Variants in PCDH15 observed in about 807,000 individuals in gnomAD.
PCDH15 encodes protocadherin-15.
A neutral mutation model predicts 178.5 loss-of-function variants in PCDH15; 129 were observed. That is an observed-to-expected ratio of 0.72 (90% CI 0.63 to 0.84). The LOEUF is 0.84. Ranked by LOEUF, PCDH15 falls within the 40% of genes least tolerant of loss-of-function variation. The pLI is 0.00. For synonymous variants in PCDH15, 800 were observed against 732.0 expected (o/e 1.09, Z -1.50); for missense variants, 2,230 against 2,099.9 (o/e 1.06, Z -1.21).
At chr10:54,012,900 G>A (rs1340734373) in intron 20 of PCDH15, among the ~76,000 whole-genome samples, 1 of 152,014 alleles carries the variant, frequency 6.6e-6, no homozygotes, top group Non-Finnish European at 1.5e-5. Flanking sequence ...ACAATATGAT[G>A]ACAGGCTCAA....
Position 54,896,514 on chromosome 10 carries a change from A to G in PCDH15, c.-29+936T>C, listed in dbSNP as rs201498139. Among the ~76,000 whole-genome samples the G allele has an allele frequency of 1.0e-3, 11 of 10,934 alleles. No homozygotes were observed. In the East Asian group the frequency reaches 0.039, roughly 39 times the overall value. The allele number at this position is 10,934 out of a possible 152,430, so 7.2% of individuals were successfully genotyped here. ...AAGGTGCAACTGAATTTCCCAGCGG[A>G]AAAAAAAAAAATAGCTTAGCTCCAT... On this transcript the variant is annotated intron_variant, in intron 3 of 5. Coordinates refer to the PCDH15 transcript ENST00000458638.
At chr10:54,346,239 T>C (rs1943255295) in intron 6 of PCDH15, 126 bp downstream of exon 6, 10 of 902,030 alleles carry the variant, frequency 1.1e-5, no homozygotes, top group South Asian at 4.9e-5. Flanking sequence ...TGAGACATTT[T>C]TAAATAATAG....
intron 1 of PCDH15, among the ~76,000 whole-genome samples, chr10:54,767,339 A>G (rs1226969254): frequency 6.6e-6 from 1 of 152,196 alleles, no homozygotes; most frequent in East Asian, 1.9e-4. Context: ...TGATTAAATG[A>G]AAGTATCAAA....
chr10:54,317,096 CTT>C (rs1410934138), intron 8 of PCDH15, among the ~76,000 whole-genome samples, 173 bp downstream of exon 8: 1 of 152,150 alleles, frequency 6.6e-6, no homozygotes, highest in African/African-American at 2.4e-5. Flanking sequence ...TATAATTACT[CTT>C]TGTGTTAAAA....
intron 9 of PCDH15, among the ~76,000 whole-genome samples, chr10:54,220,690 T>A (rs2052681481): frequency 1.3e-5 from 2 of 152,016 alleles, no homozygotes. Context: ...CCGGGCGTGG[T>A]GGCGGGCGCC....
intron 15 of PCDH15, 23 bp downstream of exon 15, chr10:54,132,852 C>A: frequency 1.3e-6 from 2 of 1,599,236 alleles, no homozygotes; most frequent in Non-Finnish European, 1.7e-6. Context: ...CACACACACA[C>A]ACACACACAC....
intron 13 of PCDH15, among the ~76,000 whole-genome samples, chr10:54,159,630 C>T (rs2045510226): frequency 6.6e-6 from 1 of 151,916 alleles, no homozygotes. Flanking sequence ...GATTATTTTT[C>T]TAGGATTATT....
Position 55,205,555 on chromosome 10 carries a change from A to G in PCDH15, c.-155-38904T>C, listed in dbSNP as rs148898877. 4.6e-5 allele frequency among the ~76,000 whole-genome samples: 7 copies of G among 152,172 alleles called. No homozygotes were observed. The East Asian group carries it at 1.2e-3, about 25-fold the overall frequency. ...TACACTACAATTTTTATATAATCCA[A>G]TAATGAATGCAAGAAACAAGCAAAA... On this transcript the variant is annotated intron_variant, in intron 1 of 5. Transcript: ENST00000458638.
intron 2 of PCDH15, among the ~76,000 whole-genome samples, chr10:55,341,646 T>A (rs2131954358): frequency 6.7e-6 from 1 of 148,318 alleles, no homozygotes; most frequent in East Asian, 2.0e-4. Flanking sequence ...CTTGGCTTAC[T>A]CCAACCACCC....
intron 2 of PCDH15, among the ~76,000 whole-genome samples, chr10:54,614,008 C>T (rs1158441957): frequency 6.6e-6 from 1 of 151,808 alleles, no homozygotes; most frequent in Non-Finnish European, 1.5e-5. Context: ...ATAACTGTTT[C>T]TTAATAAAAC....
At chr10:54,394,485 A>C (rs1950952480) in intron 3 of PCDH15, among the ~76,000 whole-genome samples, 4 of 152,154 alleles carry the variant, frequency 2.6e-5, no homozygotes, top group Admixed American at 2.6e-4. Context: ...GAGTTTCAAA[A>C]GGGGAGGGAG....
chr10:54,254,913 A>AT (rs1425929389), intron 8 of PCDH15, among the ~76,000 whole-genome samples: 4 of 77,652 alleles, frequency 5.2e-5, no homozygotes, highest in Non-Finnish European at 1.3e-4. Flanking sequence ...ATTTCAACGT[A>AT]ATTTTTTTTC....
chr10:55,276,133 CTA>C (rs1842590150), intron 1 of PCDH15, among the ~76,000 whole-genome samples: 1 of 150,422 alleles, frequency 6.6e-6, no homozygotes, highest in African/African-American at 2.4e-5. Context: ...ATAAATTTGT[CTA>C]TGTGTTTTTT....
At chr10:54,672,548 A>G (rs905118401) in intron 1 of PCDH15, among the ~76,000 whole-genome samples, 3 of 152,202 alleles carry the variant, frequency 2.0e-5, no homozygotes, top group Admixed American at 6.5e-5. Flanking sequence ...GGAGAAGGAC[A>G]TATGCCAGGG....
chr10:55,579,935 C>A (rs1842574732), intron 2 of PCDH15, among the ~76,000 whole-genome samples: 1 of 152,170 alleles, frequency 6.6e-6, no homozygotes, highest in African/African-American at 2.4e-5. Context: ...CAGCTCACTG[C>A]AACCTCTGCC....
intron 3 of PCDH15, among the ~76,000 whole-genome samples, chr10:54,428,621 C>T (rs9415323): frequency 0.2 from 30,663 of 151,900 alleles, 3,803 homozygotes; most frequent in African/African-American, 0.35. Flanking sequence ...TCAGAGCCAA[C>T]GGGCATTGAG....
intron 2 of PCDH15, among the ~76,000 whole-genome samples, chr10:54,598,667 A>G (rs1311292177): frequency 6.6e-6 from 1 of 152,150 alleles, no homozygotes; most frequent in Admixed American, 6.6e-5. Flanking sequence ...TCCAAATAGG[A>G]GGAGAGGAAG....
chr10:54,913,110 A>T (rs1954846018), intron 2 of PCDH15, among the ~76,000 whole-genome samples: 2 of 152,234 alleles, frequency 1.3e-5, no homozygotes, highest in East Asian at 3.9e-4. Flanking sequence ...TTTTCTGGGG[A>T]TGAACCCTTT....
chr10:55,368,181 T>A (rs879497482), intron 2 of PCDH15, among the ~76,000 whole-genome samples: 3 of 152,104 alleles, frequency 2.0e-5, no homozygotes, highest in Non-Finnish European at 4.4e-5. Context: ...TCCATTTTAT[T>A]TTTATGAATA....
Sources: gnomAD v4.1 joint callset for allele counts (sites outside exome capture counted in the v4.1 genomes callset) on GRCh38, gnomAD v4.1.1 for gene constraint, MANE v1.5 for transcripts, NCBI Gene and HGNC (gene_info 2026-07-23, HGNC 2026-07-21) for gene names.